MEIS2: variants seen among roughly 807,000 people sequenced by gnomAD.
MEIS2 encodes the protein Meis homeobox 2.
Under a neutral mutation model 58.6 loss-of-function variants are expected in MEIS2, and 9 were observed. The ratio of observed to expected loss-of-function variants is 0.15; its 90% CI spans 0.09 to 0.27. MEIS2 has a LOEUF of 0.27. Ranked by LOEUF, MEIS2 falls within the 10% of genes least tolerant of loss-of-function variation. MEIS2 has a pLI of 1.00. For missense variants in MEIS2, 427 were observed against 635.0 expected (o/e 0.67, Z 3.52); for synonymous variants, 221 against 228.4 (o/e 0.97, Z 0.29).
intron 7 of MEIS2, among the ~76,000 whole-genome samples, chr15:37,072,354 C>T (rs1890817650): frequency 2.0e-5 from 3 of 152,052 alleles, no homozygotes; most frequent in African/African-American, 7.2e-5. Flanking sequence ...TGTGGTGTGC[C>T]AGGGAATCTG....
Position 36,890,315 on chromosome 15 carries a change from C to T in MEIS2, c.*1858G>A, listed in dbSNP as rs968253513. The T allele has an allele frequency of 6.6e-6, 1 of 152,106 alleles. No homozygotes were observed. Among genetic ancestry groups the T allele is most frequent in the Non-Finnish European group, 1.5e-5 (1 of 67,998 alleles). 9.4% of individuals were successfully genotyped at this position (152,106 alleles called of 1,614,324 possible). A position where few individuals can be genotyped will look rare whatever the true frequency, so the allele number is the denominator to read the frequency against. ...ACATTGTTTGTGCAGTATCAATAAG[C>T]TAATGGTATAGATTTCCAGGAATGT... On this transcript the variant is annotated 3_prime_UTR_variant, in exon 12 of 12. Transcript: ENST00000561208.
intron 9 of MEIS2, among the ~76,000 whole-genome samples, chr15:36,934,228 A>G (rs1029827655): frequency 1.3e-5 from 2 of 152,074 alleles, no homozygotes; most frequent in African/African-American, 4.8e-5. Context: ...AAATTTAAAC[A>G]TATTGAAAAG....
chr15:36,973,280 C>T (rs1005170878), intron 8 of MEIS2, among the ~76,000 whole-genome samples: 1 of 152,116 alleles, frequency 6.6e-6, no homozygotes, highest in Admixed American at 6.5e-5. Context: ...TGCAGAGTGG[C>T]CAAGTCACAA....
At chr15:36,963,799 A>G (rs2059269327) in intron 8 of MEIS2, among the ~76,000 whole-genome samples, 1 of 152,202 alleles carries the variant, frequency 6.6e-6, no homozygotes, top group African/African-American at 2.4e-5. Flanking sequence ...TGAAATTAGC[A>G]TTTTGGCATT....
chr15:36,925,723 T>C (rs1002950219), intron 9 of MEIS2, among the ~76,000 whole-genome samples: 4 of 152,230 alleles, frequency 2.6e-5, no homozygotes, highest in South Asian at 2.1e-4. Flanking sequence ...CTCTGCTGTA[T>C]AGACTTTGCA....
chr15:37,015,425 T>C (rs748759543), intron 8 of MEIS2, among the ~76,000 whole-genome samples: 5 of 151,878 alleles, frequency 3.3e-5, no homozygotes, highest in Non-Finnish European at 5.9e-5. Context: ...TTTTTTCTTT[T>C]CCCCCTTTGT....
At chr15:37,039,716 G>A (rs913224992) in intron 7 of MEIS2, among the ~76,000 whole-genome samples, 2 of 152,120 alleles carry the variant, frequency 1.3e-5, no homozygotes, top group African/African-American at 4.8e-5. Flanking sequence ...AAAGCAACCC[G>A]TTGTATATAA....
chr15:36,990,304 T>C (rs1212102576), intron 8 of MEIS2, among the ~76,000 whole-genome samples: 4 of 151,970 alleles, frequency 2.6e-5, no homozygotes, highest in Non-Finnish European at 4.4e-5. Context: ...AAAGTTTAAA[T>C]GTATTGATTC....
At position 37,100,188 on chromosome 15, in the gene MEIS2, T is replaced by C. The variant is rs1188308583; in HGVS notation, c.-722A>G. 6.7e-6 allele frequency: 1 copy of C among 149,488 alleles called. No individual in the cohort carries two copies. Among genetic ancestry groups the C allele is most frequent in the African/African-American group, 2.5e-5 (1 of 40,362 alleles). 9.3% of individuals were successfully genotyped at this position (149,488 alleles called of 1,614,324 possible). A position where few individuals can be genotyped will look rare whatever the true frequency, so the allele number is the denominator to read the frequency against. On this transcript the variant is annotated 5_prime_UTR_variant, in exon 1 of 12. Transcript: ENST00000561208. Reference sequence around the variant, plus strand: ...AGAAAAATCAAGAAAAAAAAATGAATAGTTTGCAAAAATTGGACTTCCTCC... The same window carrying C: ...AGAAAAATCAAGAAAAAAAAATGAACAGTTTGCAAAAATTGGACTTCCTCC...
intron 8 of MEIS2, among the ~76,000 whole-genome samples, chr15:37,006,428 T>C (rs1285919939): frequency 6.6e-6 from 1 of 152,234 alleles, no homozygotes; most frequent in Non-Finnish European, 1.5e-5. Context: ...AGATGTCAGC[T>C]TTTCTAACAC....
intron 8 of MEIS2, among the ~76,000 whole-genome samples, chr15:36,959,635 A>G (rs549498528): frequency 6.6e-6 from 1 of 152,292 alleles, no homozygotes; most frequent in African/African-American, 2.4e-5. Context: ...GAAAATACCA[A>G]CTTTTTATCC....
chr15:37,053,929 A>G (rs935509535), intron 7 of MEIS2, among the ~76,000 whole-genome samples: 1 of 152,224 alleles, frequency 6.6e-6, no homozygotes, highest in African/African-American at 2.4e-5. Flanking sequence ...CAGCTGTCAA[A>G]TAATTCTTTT....
chr15:36,913,836 G>A (rs1199795910), intron 9 of MEIS2, among the ~76,000 whole-genome samples: 1 of 152,126 alleles, frequency 6.6e-6, no homozygotes, highest in Non-Finnish European at 1.5e-5. Context: ...ACACAACCCA[G>A]CTGAGGTCAT....
At chr15:36,909,254 C>T (rs933394378) in intron 9 of MEIS2, among the ~76,000 whole-genome samples, 3 of 152,050 alleles carry the variant, frequency 2.0e-5, no homozygotes, top group Admixed American at 6.6e-5. Flanking sequence ...ATATGCCCAA[C>T]ACAGTACTTA....
chr15:37,047,566 G>A (rs1346957733), intron 7 of MEIS2, among the ~76,000 whole-genome samples: 1 of 152,182 alleles, frequency 6.6e-6, no homozygotes, highest in Non-Finnish European at 1.5e-5. Flanking sequence ...TTGAAGTTGG[G>A]CTGAGGCTGG....
At chr15:36,957,093 A>G (rs1442025026) in intron 8 of MEIS2, among the ~76,000 whole-genome samples, 2 of 152,162 alleles carry the variant, frequency 1.3e-5, no homozygotes, top group Non-Finnish European at 2.9e-5. Flanking sequence ...AAATCATAAA[A>G]TTTGAAAGAT....
At chr15:36,983,077 T>C (rs1006349501) in intron 8 of MEIS2, among the ~76,000 whole-genome samples, 6 of 152,184 alleles carry the variant, frequency 3.9e-5, no homozygotes, top group Admixed American at 1.3e-4. Context: ...TTGCAGATAT[T>C]TTCTCCAATT....
intron 8 of MEIS2, among the ~76,000 whole-genome samples, chr15:37,021,040 A>G (rs1595942102): frequency 1.3e-5 from 2 of 152,150 alleles, no homozygotes; most frequent in African/African-American, 2.4e-5. Context: ...CCCTCACCCA[A>G]CAATAACCCT....
Position 37,099,357 on chromosome 15 carries a change from G to T in MEIS2, c.12+98C>A, listed in dbSNP as rs1019976706. The T allele has an allele frequency of 8.9e-6, 14 of 1,570,722 alleles. No individual in the cohort carries two copies. In the African/African-American group the frequency reaches 1.8e-4, roughly 20 times the overall value. ...ATACTGGCCGCCATCATCAAGCAGC[G>T]AGCAGCAGCAGAAGCGTTGAAGGGA... is the stretch of plus-strand genomic sequence containing the variant. On this transcript the variant is annotated intron_variant, in intron 1 of 11. Transcript: ENST00000561208.
Sources: gnomAD v4.1 joint callset for allele counts (sites outside exome capture counted in the v4.1 genomes callset) on GRCh38, gnomAD v4.1.1 for gene constraint, MANE v1.5 for transcripts, NCBI Gene and HGNC (gene_info 2026-07-23, HGNC 2026-07-21) for gene names.